PDE4B: variants seen among roughly 807,000 people sequenced by gnomAD.
PDE4B encodes the protein 3',5'-cyclic-AMP phosphodiesterase 4B.
PDE4B carries 20 observed loss-of-function variants against 82.2 expected under a neutral mutation model. The observed-to-expected ratio is 0.24, with a 90% CI of 0.17 to 0.35. The LOEUF is 0.35. Among genes scored for constraint, PDE4B ranks in the 10% least tolerant of loss-of-function variants. The pLI is 1.00. For missense variants in PDE4B, 655 were observed against 907.2 expected (o/e 0.72, Z 3.57); for synonymous variants, 320 against 318.9 (o/e 1.00, Z -0.04).
At chr1:65,988,747 T>G (rs545738159) in intron 3 of PDE4B, among the ~76,000 whole-genome samples, 1 of 151,774 alleles carries the variant, frequency 6.6e-6, no homozygotes, top group Admixed American at 6.7e-5. Context: ...TTATTTTGAG[T>G]GCCATGTTGT....
intron 3 of PDE4B, among the ~76,000 whole-genome samples, chr1:65,983,136 A>G (rs1650774175): frequency 6.6e-6 from 1 of 152,146 alleles, no homozygotes; most frequent in Non-Finnish European, 1.5e-5. Context: ...TTGGAATAGG[A>G]ATGTTTGTCC....
Position 66,192,210 on chromosome 1 carries a change from C to T in PDE4B, c.282-55250C>T, listed in dbSNP as rs1040885167. Among the ~76,000 whole-genome samples the T allele has an allele frequency of 4.6e-5, 7 of 152,042 alleles. No individual in the cohort carries two copies. The East Asian group carries it at 7.7e-4, about 17-fold the overall frequency. On this transcript the variant is annotated intron_variant, in intron 3 of 16. Coordinates refer to ENST00000341517, the MANE Select transcript of PDE4B (RefSeq NM_002600.4). ...TCTCTCTCTCTGTGTCTCTTTGTATCAATTGAAGACTCTTTTGTGATCCTT... is the reference window on the plus strand; with the variant it reads ...TCTCTCTCTCTGTGTCTCTTTGTATTAATTGAAGACTCTTTTGTGATCCTT...
chr1:66,290,512 T>A (rs951675637), intron 7 of PDE4B, among the ~76,000 whole-genome samples: 1 of 152,160 alleles, frequency 6.6e-6, no homozygotes, highest in African/African-American at 2.4e-5. Flanking sequence ...AGGACACAGT[T>A]GGGATAGAAA....
At chr1:65,857,418 T>C (rs1004787629) in intron 1 of PDE4B, among the ~76,000 whole-genome samples, 30 of 152,228 alleles carry the variant, frequency 2.0e-4, no homozygotes, top group Non-Finnish European at 4.4e-5. Context: ...ATTACTCTTC[T>C]CTTTACTTTT....
intron 3 of PDE4B, among the ~76,000 whole-genome samples, chr1:65,991,082 A>AT (rs3030069): frequency 0.014 from 2,010 of 147,216 alleles, 47 homozygotes; most frequent in African/African-American, 0.046. Flanking sequence ...CAGATGAATG[A>AT]TTTTTTTTTT....
chr1:66,248,215 A>G (rs1384573673), intron 4 of PDE4B, among the ~76,000 whole-genome samples: 2 of 152,136 alleles, frequency 1.3e-5, no homozygotes, highest in Non-Finnish European at 2.9e-5. Context: ...CACTGCTGAT[A>G]TTTTTGTTTT....
chr1:65,956,398 A>G lies in PDE4B; in HGVS notation c.281+37563A>G, dbSNP rs1569810860. Reference sequence around the variant, plus strand: ...TTATTTTCTTTTTCAAGCAAAATCAATCTTTCCTCCATGTTCTCAAGTCCA... The same window carrying G: ...TTATTTTCTTTTTCAAGCAAAATCAGTCTTTCCTCCATGTTCTCAAGTCCA... On this transcript the variant is annotated intron_variant, in intron 3 of 16. Coordinates refer to ENST00000341517, the MANE Select transcript of PDE4B (RefSeq NM_002600.4). 2.6e-5 allele frequency among the ~76,000 whole-genome samples: 4 copies of G among 152,220 alleles called. 1 individual carries two copies. Among genetic ancestry groups the G allele is most frequent in the East Asian group, 1.9e-4 (1 of 5,176 alleles).
chr1:65,920,684 T>C (rs1432748089), intron 3 of PDE4B, among the ~76,000 whole-genome samples: 1 of 152,210 alleles, frequency 6.6e-6, no homozygotes, highest in Non-Finnish European at 1.5e-5. Flanking sequence ...CAAATGTTGA[T>C]TTTTGTCCTC....
chr1:66,023,053 T>G (rs2489923), intron 3 of PDE4B, among the ~76,000 whole-genome samples: 1 of 152,072 alleles, frequency 6.6e-6, no homozygotes, highest in Non-Finnish European at 1.5e-5. Flanking sequence ...CCATTGATTG[T>G]GTGGGGATTG....
chr1:65,971,481 T>A (rs1650134183), intron 3 of PDE4B, among the ~76,000 whole-genome samples: 1 of 152,170 alleles, frequency 6.6e-6, no homozygotes, highest in Admixed American at 6.6e-5. Flanking sequence ...GTAATAGGTA[T>A]GCTGGGGAGA....
chr1:66,210,451 T>C (rs1049158952), intron 3 of PDE4B, among the ~76,000 whole-genome samples: 3 of 150,254 alleles, frequency 2.0e-5, no homozygotes, highest in African/African-American at 7.3e-5. Flanking sequence ...CAAAAATTAG[T>C]TGGGTGTGGT....
intron 3 of PDE4B, among the ~76,000 whole-genome samples, chr1:66,125,148 G>T (rs549722512): frequency 1.4e-3 from 195 of 143,450 alleles, no homozygotes; most frequent in African/African-American, 4.6e-3. Flanking sequence ...TGCAATTCAT[G>T]ATGGCCCATA....
chr1:65,892,766 C>A (rs774559976), intron 1 of PDE4B, among the ~76,000 whole-genome samples: 2 of 151,898 alleles, frequency 1.3e-5, no homozygotes, highest in African/African-American at 4.8e-5. Flanking sequence ...CCCCAATAAA[C>A]AATAACCTTT....
intron 3 of PDE4B, among the ~76,000 whole-genome samples, chr1:66,128,136 A>T (rs1243891243): frequency 6.6e-6 from 1 of 152,100 alleles, no homozygotes; most frequent in African/African-American, 2.4e-5. Flanking sequence ...TAATTACTAA[A>T]TTTTTTTCAA....
At chr1:65,986,129 C>T (rs180896984) in intron 3 of PDE4B, among the ~76,000 whole-genome samples, 4 of 152,204 alleles carry the variant, frequency 2.6e-5, no homozygotes, top group East Asian at 1.9e-4. Flanking sequence ...CATGATTTGA[C>T]GTGCCAAATT....
chr1:66,008,651 T>C (rs527598990), intron 3 of PDE4B, among the ~76,000 whole-genome samples: 39 of 152,288 alleles, frequency 2.6e-4, no homozygotes, highest in Middle Eastern at 3.4e-3. Flanking sequence ...ATAATTGTAC[T>C]GCTCTACTGG....
At chr1:65,893,601 C>T (rs1646876309) in intron 1 of PDE4B, among the ~76,000 whole-genome samples, 1 of 151,954 alleles carries the variant, frequency 6.6e-6, no homozygotes, top group African/African-American at 2.4e-5. Flanking sequence ...CCTTAAAGAA[C>T]TAAAAATAAA....
At chr1:66,162,853 A>G (rs1646645229) in intron 3 of PDE4B, among the ~76,000 whole-genome samples, 1 of 152,156 alleles carries the variant, frequency 6.6e-6, no homozygotes, top group Non-Finnish European at 1.5e-5. Context: ...TGAGTTAAGT[A>G]CTATCAGTTG....
chr1:65,882,933 T>C (rs1206131298), intron 1 of PDE4B, among the ~76,000 whole-genome samples: 5 of 152,168 alleles, frequency 3.3e-5, no homozygotes, highest in African/African-American at 4.8e-5. Flanking sequence ...GCCATAAAAG[T>C]GGAAGAAGCA....
Sources: gnomAD v4.1 joint callset for allele counts (sites outside exome capture counted in the v4.1 genomes callset) on GRCh38, gnomAD v4.1.1 for gene constraint, MANE v1.5 for transcripts, NCBI Gene and HGNC (gene_info 2026-07-23, HGNC 2026-07-21) for gene names.